The following TENM3 variants were observed in gnomAD, a reference collection of about 807,000 sequenced individuals.
The protein encoded by TENM3 is teneurin transmembrane protein 3, also known as teneurin-3.
In TENM3, 63 loss-of-function variants were observed where a neutral mutation model predicts 255.1. The observed-to-expected ratio is 0.25, with a 90% CI of 0.20 to 0.30. The LOEUF (loss-of-function observed/expected upper bound fraction) is 0.30, where lower values mean the gene tolerates loss of function less well. TENM3 is among the 10% of genes least tolerant of loss of function. The pLI, the probability that TENM3 is intolerant of heterozygous loss-of-function variation, is 1.00. For synonymous variants in TENM3, 1,306 were observed against 1,322.3 expected, an observed-to-expected ratio of 0.99 and a Z score of 0.27; for missense variants, 2,929 against 3,461.1, an observed-to-expected ratio of 0.85 and a Z score of 3.86.
At chr4:182,526,668 C>T (rs750132181) in intron 3 of TENM3, among the ~76,000 whole-genome samples, 1 of 152,218 alleles carries the variant, frequency 6.6e-6, no homozygotes, top group Non-Finnish European at 1.5e-5. Flanking sequence ...ACAGAGAACA[C>T]ATTTGCTGAA....
intron 12 of TENM3, among the ~76,000 whole-genome samples, chr4:182,702,830 C>T (rs188573337): frequency 5.6e-4 from 85 of 152,092 alleles, no homozygotes; most frequent in Non-Finnish European, 9.7e-4. Flanking sequence ...CTCCACCTCC[C>T]GGGTGCAGCC....
the TENM3 span, among the ~76,000 whole-genome samples, chr4:181,815,458 C>A: frequency 2.1e-5 from 1 of 48,724 alleles, no homozygotes; most frequent in African/African-American, 9.8e-5. Flanking sequence ...GTGAGACTCC[C>A]TATCAAAAAA....
In TENM3 at chr4:182,754,463, T is replaced by C. The variant is rs749738694; in HGVS notation, c.4096T>C (p.Leu1366=). 2 of 1,612,528 alleles carry C rather than the reference T, an allele frequency of 1.2e-6. No individual in the cohort carries two copies. The highest frequency in any genetic ancestry group is 1.7e-5 in the Admixed American group (1 of 59,838). ...SIYVLDNNVV[L]QITENRQVRI... ...TTATGTCCTGGATAATAATGTAGTT[T>C]TACAGATCACTGAAAATCGTCAAGT... is the stretch of plus-strand genomic sequence containing the variant. Residue 1366 remains leucine (L), a synonymous_variant, in exon 22 of 28, where the codon TTA becomes CTA. Coordinates refer to ENST00000511685, the MANE Select transcript of TENM3 (RefSeq NM_001080477.4). The surrounding 1 kb of genome is among the most constrained non-coding windows in gnomAD (Gnocchi z 5.1).
intron 3 of TENM3, among the ~76,000 whole-genome samples, chr4:182,551,027 C>T (rs1741948125): frequency 1.3e-5 from 2 of 152,012 alleles, no homozygotes; most frequent in Non-Finnish European, 2.9e-5. Context: ...TTGAGACCAG[C>T]CTGGTCAACA....
the TENM3 span, among the ~76,000 whole-genome samples, chr4:181,595,248 T>C: frequency 6.6e-6 from 1 of 151,852 alleles, no homozygotes; most frequent in Non-Finnish European, 1.5e-5. Flanking sequence ...CTGGCCAACA[T>C]GGTGAAACCC....
At chr4:182,665,969 G>C (rs1393882961) in intron 6 of TENM3, among the ~76,000 whole-genome samples, 1 of 152,094 alleles carries the variant, frequency 6.6e-6, no homozygotes, top group Non-Finnish European at 1.5e-5. Flanking sequence ...TTCATGGGAA[G>C]AGGTCAAAAG....
At chr4:182,703,043 A>G (rs1286359776) in intron 12 of TENM3, among the ~76,000 whole-genome samples, 2 of 152,308 alleles carry the variant, frequency 1.3e-5, no homozygotes, top group South Asian at 2.1e-4. Context: ...GCCCAAGCCC[A>G]TGTTCTTAAG....
chr4:181,697,101 T>C, the TENM3 span, among the ~76,000 whole-genome samples: 26 of 152,242 alleles, frequency 1.7e-4, no homozygotes, highest in African/African-American at 2.4e-5. Flanking sequence ...ATCTGTCTGC[T>C]ATAACTAAAC....
At chr4:181,860,983 G>A in the TENM3 span, among the ~76,000 whole-genome samples, 1 of 151,714 alleles carries the variant, frequency 6.6e-6, no homozygotes, top group Admixed American at 6.6e-5. Flanking sequence ...TCACAAACAG[G>A]GGTTGATATC....
chr4:181,684,308 A>G, the TENM3 span, among the ~76,000 whole-genome samples: 1 of 152,186 alleles, frequency 6.6e-6, no homozygotes, highest in Non-Finnish European at 1.5e-5. Flanking sequence ...AGGCTTAGGA[A>G]TCCATTATTT....
chr4:181,771,423 G>A, the TENM3 span, among the ~76,000 whole-genome samples: 83 of 152,252 alleles, frequency 5.5e-4, 2 homozygotes, highest in Middle Eastern at 6.8e-3. Context: ...GGCTGCCAAG[G>A]GTTGAAGAAA....
intron 3 of TENM3, among the ~76,000 whole-genome samples, chr4:182,420,665 G>A (rs1770762602): frequency 6.6e-6 from 1 of 152,176 alleles, no homozygotes. Flanking sequence ...GCTGCTGTGG[G>A]GGCAGAATCC....
the TENM3 span, among the ~76,000 whole-genome samples, chr4:181,720,617 TTGAC>T: frequency 0.021 from 3,200 of 152,314 alleles, 108 homozygotes; most frequent in African/African-American, 0.072. Context: ...ATAAAGTCCT[TTGAC>T]TGATTTTTTT....
At chr4:182,487,884 T>G (rs1734911919) in intron 3 of TENM3, among the ~76,000 whole-genome samples, 1 of 152,158 alleles carries the variant, frequency 6.6e-6, no homozygotes, top group Non-Finnish European at 1.5e-5. Flanking sequence ...GTTTTTGTAG[T>G]GCAAACAGAG....
At chr4:181,673,845 GGTGTGTGTGTGTGTGTGT>G in the TENM3 span, among the ~76,000 whole-genome samples, 20 of 137,432 alleles carry the variant, frequency 1.5e-4, no homozygotes, top group East Asian at 4.2e-4. Flanking sequence ...AGAAGTGTGT[GGTGTGTGTGTGTGTGTGT>G]GTGTGTGTGT....
chr4:182,279,686 A>T (rs1760245916), intron 1 of TENM3, among the ~76,000 whole-genome samples: 1 of 152,084 alleles, frequency 6.6e-6, no homozygotes, highest in African/African-American at 2.4e-5. Context: ...TCTTTTTTAG[A>T]TTCTTCTCTT....
At position 182,479,612 on chromosome 4, in the gene TENM3, C is replaced by T. The variant is rs532187235; in HGVS notation, c.512-121312C>T. On this transcript the variant is annotated intron_variant, in intron 3 of 27. Coordinates refer to ENST00000511685, the MANE Select transcript of TENM3 (RefSeq NM_001080477.4). ...TGTTTGAAGAAAGCATTGAGGGAGG[C>T]ATTTCTTTAGAAACTGAAGTAATAA... 3.3e-5 allele frequency among the ~76,000 whole-genome samples: 5 copies of T among 152,070 alleles called. No individual in the cohort carries two copies. The South Asian group carries it at 1.0e-3, about 32-fold the overall frequency.
chr4:181,920,736 A>C, the TENM3 span, among the ~76,000 whole-genome samples: 70 of 151,584 alleles, frequency 4.6e-4, no homozygotes, highest in African/African-American at 1.6e-3. Context: ...TCTTTAGTTT[A>C]ATTAGATCCC....
chr4:181,683,880 C>T, the TENM3 span, among the ~76,000 whole-genome samples: 1 of 152,138 alleles, frequency 6.6e-6, no homozygotes, highest in South Asian at 2.1e-4. Flanking sequence ...TTCGAGCACA[C>T]AGCTTGACTT....
Sources: allele counts gnomAD v4.1 joint callset (sites outside exome capture counted in the v4.1 genomes callset), GRCh38; gene constraint gnomAD v4.1.1; non-coding constraint Gnocchi (gnomAD v3.1); transcripts MANE v1.5; gene names NCBI Gene and HGNC (gene_info 2026-07-23, HGNC 2026-07-21).